ABCA9: variants seen among roughly 807,000 people sequenced by gnomAD.
The protein encoded by ABCA9 is ATP binding cassette subfamily A member 9, also known as ATP-binding cassette sub-family A member 9.
ABCA9 carries 183 observed loss-of-function variants against 205.3 expected under a neutral mutation model. The observed-to-expected ratio is 0.89, with a 90% CI of 0.79 to 1.01. The LOEUF (loss-of-function observed/expected upper bound fraction) is 1.01, where lower values mean the gene tolerates loss of function less well. Among genes scored for constraint, ABCA9 ranks in the 50% least tolerant of loss-of-function variants. The probability of loss-of-function intolerance (pLI) is 0.00; values close to 1 mark genes in which losing one functional copy is unlikely to be tolerated. For synonymous variants in ABCA9, 651 were observed against 683.3 expected (o/e 0.95, Z 0.74); for missense variants, 1,805 against 1,912.4 (o/e 0.94, Z 1.05).
At chr17:69,028,380 T>A (rs1402941139) in intron 12 of ABCA9, among the ~76,000 whole-genome samples, 155 bp downstream of exon 12, 1 of 152,204 alleles carries the variant, frequency 6.6e-6, no homozygotes, top group African/African-American at 2.4e-5. Flanking sequence ...TTGGCCAGGA[T>A]GGTCTCCATC....
chr17:69,027,835 A>C lies in ABCA9; in HGVS notation c.1616-20T>G. 6.4e-7 allele frequency: 1 copy of C among 1,555,980 alleles called. No homozygotes were observed. Among genetic ancestry groups the C allele is most frequent in the Non-Finnish European group, 8.7e-7 (1 of 1,144,676 alleles). ...CTGAACCTGAAAGCAGAAGGCAGAG[A>C]GTGACCATCAGGAAAATGTGTCATG... On this transcript the variant is annotated intron_variant, in intron 12 of 38. Coordinates refer to ENST00000340001, the MANE Select transcript of ABCA9 (RefSeq NM_080283.4).
At chr17:68,979,262 C>G (rs991879941) in intron 37 of ABCA9, among the ~76,000 whole-genome samples, 1 of 151,822 alleles carries the variant, frequency 6.6e-6, no homozygotes, top group African/African-American at 2.4e-5. Flanking sequence ...AACTACAAAC[C>G]ACTGCTCAAG....
intron 1 of ABCA9, among the ~76,000 whole-genome samples, chr17:69,055,954 A>G (rs2072057762): frequency 1.3e-5 from 2 of 152,200 alleles, no homozygotes; most frequent in Non-Finnish European, 2.9e-5. Context: ...ATTAAAACTT[A>G]TTTTGAACTA....
At chr17:68,995,522 C>A (rs903925493) in intron 26 of ABCA9, among the ~76,000 whole-genome samples, 5 of 152,204 alleles carry the variant, frequency 3.3e-5, no homozygotes, top group South Asian at 2.1e-4. Context: ...TCTCCACACA[C>A]CCTGACACAT....
chr17:69,021,913 C>T, intron 17 of ABCA9, 52 bp from the exon 18 acceptor site: 2 of 1,270,980 alleles, frequency 1.6e-6, no homozygotes, highest in Non-Finnish European at 2.1e-6. Context: ...TAATGAGAAC[C>T]ATATTTCTCA....
intron 6 of ABCA9, among the ~76,000 whole-genome samples, chr17:69,036,012 G>A (rs982971146): frequency 5.3e-5 from 8 of 152,182 alleles, no homozygotes; most frequent in Non-Finnish European, 1.2e-4. Flanking sequence ...TAACTAAATT[G>A]CAAAATAAGT....
chr17:69,068,649 C>A, the ABCA9 span, among the ~76,000 whole-genome samples: 2 of 152,110 alleles, frequency 1.3e-5, no homozygotes, highest in Admixed American at 1.3e-4. Flanking sequence ...ATAGATATAT[C>A]TTTACCCCAA....
chr17:69,027,015 A>C lies in ABCA9; in HGVS notation c.2011T>G (p.Phe671Val), dbSNP rs1293986406. The change falls in exon 15 of 39, where the codon TTC (phenylalanine) becomes GTC (valine). Residue 671 changes from phenylalanine to valine, a missense_variant. Physicochemically the swap from Phe to Val is conservative, Grantham distance 50 (BLOSUM62 -1). Coordinates refer to ENST00000340001, the MANE Select transcript of ABCA9 (RefSeq NM_080283.4). ...GCCTCATCTATAAACTGGGTGCTGA[A>C]GAGAATTACTCTGTCTGATTTCCCC... ...KEGKSDRVIL[F>V]STQFIDEADI... 6.2e-7 allele frequency: 1 copy of C among 1,614,162 alleles called. No individual in the cohort carries two copies. The highest frequency in any genetic ancestry group is 1.1e-5 in the South Asian group (1 of 91,080).
intron 1 of ABCA9, among the ~76,000 whole-genome samples, chr17:69,059,875 C>T (rs1398041095): frequency 6.6e-6 from 1 of 152,100 alleles, no homozygotes; most frequent in Non-Finnish European, 1.5e-5. Context: ...ACCAGTGATG[C>T]AGATGAGCTC....
At chr17:69,040,943 C>T (rs929946761) in intron 6 of ABCA9, among the ~76,000 whole-genome samples, 26 of 150,288 alleles carry the variant, frequency 1.7e-4, no homozygotes, top group Middle Eastern at 3.2e-3. Context: ...AAAAAGCTTT[C>T]TAATCACAGA....
At chr17:69,002,814 A>C (rs1341519228) in intron 25 of ABCA9, among the ~76,000 whole-genome samples, 1 of 142,314 alleles carries the variant, frequency 7.0e-6, no homozygotes, top group African/African-American at 2.7e-5. Context: ...TATTGGGTGC[A>C]TATATATTTA....
intron 1 of ABCA9, among the ~76,000 whole-genome samples, chr17:69,057,674 G>A (rs2072110039): frequency 6.6e-6 from 1 of 152,146 alleles, no homozygotes; most frequent in Non-Finnish European, 1.5e-5. Context: ...GGTAGTGCGG[G>A]TACAATGTAA....
At chr17:68,984,293 A>G (rs2069160903) in intron 34 of ABCA9, 118 bp from the exon 35 acceptor site, 8 of 1,413,982 alleles carry the variant, frequency 5.7e-6, no homozygotes, top group Middle Eastern at 3.7e-4. Flanking sequence ...GACTAGACAA[A>G]AAAGGGGTGT....
intron 28 of ABCA9, 70 bp downstream of exon 28, chr17:68,992,105 C>A: frequency 1.9e-6 from 2 of 1,071,968 alleles, no homozygotes; most frequent in Admixed American, 2.6e-5. Flanking sequence ...TTAATTAATT[C>A]AGCACATTAA....
chr17:69,001,787 A>G (rs1272227343), intron 25 of ABCA9, among the ~76,000 whole-genome samples: 6 of 151,482 alleles, frequency 4.0e-5, no homozygotes, highest in African/African-American at 1.5e-4. Flanking sequence ...TATTGCCACA[A>G]TTTCAGATCC....
At chr17:69,065,269 C>T (rs949263226), upstream of ABCA9, among the ~76,000 whole-genome samples, 5 of 152,176 alleles carry the variant, frequency 3.3e-5, no homozygotes, top group African/African-American at 1.2e-4. Flanking sequence ...CTTCTAGTCT[C>T]TCTATTCTTT....
intron 26 of ABCA9, among the ~76,000 whole-genome samples, chr17:68,994,889 C>T (rs75062029): frequency 0.014 from 2,091 of 152,234 alleles, 45 homozygotes; most frequent in African/African-American, 0.046. Context: ...ATAGTATTTT[C>T]CTTCTTAGCA....
chr17:69,042,760 G>A (rs1324001218), intron 6 of ABCA9: 1 of 152,130 alleles, frequency 6.6e-6, no homozygotes, highest in Admixed American at 6.5e-5. Context: ...AGTCTGCATG[G>A]TCATCTGCTC....
rs1343741650 is a variant in ABCA9 at position 68,986,289 on chromosome 17, CA to C, written c.4082del (p.Leu1361ArgfsTer17). 2.5e-6 allele frequency: 4 copies of C among 1,612,786 alleles called. No homozygotes were observed. Among genetic ancestry groups the C allele is most frequent in the Non-Finnish European group, 3.4e-6 (4 of 1,179,562 alleles). ...CCTGAGGGCAGTACCCCAGGAAGCC[CA>C]GGGGTTCCCCTCCACCGCTCCCTTT... ...ILKGSGGGEP[L>X]GFLGYCPQEN... On this transcript the variant is annotated frameshift_variant, in exon 32 of 39. Coordinates refer to ENST00000340001, the MANE Select transcript of ABCA9 (RefSeq NM_080283.4). LOFTEE classifies it high-confidence loss of function.
Sources: allele counts gnomAD v4.1 joint callset (sites outside exome capture counted in the v4.1 genomes callset), GRCh38; gene constraint gnomAD v4.1.1; transcripts MANE v1.5; gene names NCBI Gene and HGNC (gene_info 2026-07-23, HGNC 2026-07-21).